The following TMTC2 variants were observed in gnomAD, a reference collection of about 807,000 sequenced individuals.
TMTC2 encodes transmembrane O-mannosyltransferase targeting cadherins 2.
A neutral mutation model predicts 82.4 loss-of-function variants in TMTC2; 43 were observed. The observed-to-expected ratio is 0.52, with a 90% CI of 0.41 to 0.67. TMTC2 has a LOEUF of 0.67. Among genes scored for constraint, TMTC2 ranks in the 30% least tolerant of loss-of-function variants. The probability of loss-of-function intolerance (pLI) is 0.00; values close to 1 mark genes in which losing one functional copy is unlikely to be tolerated. For missense variants in TMTC2, 919 were observed against 1,012.4 expected (o/e 0.91, Z 1.25); for synonymous variants, 408 against 381.9 (o/e 1.07, Z -0.80).
At position 82,917,591 on chromosome 12, in the gene TMTC2, TTTTATTTATTTA is replaced by T. The variant is rs200853483; in HGVS notation, c.1484-12823_1484-12812del. On this transcript the variant is annotated intron_variant, in intron 3 of 11. Coordinates refer to ENST00000321196, the MANE Select transcript of TMTC2 (RefSeq NM_152588.3). ...AAGTCTAGCTTAAAATTGGCTTTTA[TTTTATTTATTTA>T]TTTATTTATTTATTTAGAGACAGAG... 1.0e-3 allele frequency among the ~76,000 whole-genome samples: 155 copies of T among 151,752 alleles called. 2 individuals carry two copies. Among genetic ancestry groups the T allele is most frequent in the Admixed American group, 3.2e-3 (49 of 15,250 alleles).
intron 1 of TMTC2, among the ~76,000 whole-genome samples, chr12:82,846,636 G>T (rs1263735935): frequency 6.6e-6 from 1 of 152,080 alleles, no homozygotes; most frequent in Non-Finnish European, 1.5e-5. Context: ...ATGGAAGCGG[G>T]ATCCACTAAG....
intron 7 of TMTC2, among the ~76,000 whole-genome samples, chr12:82,975,856 T>G (rs566791462): frequency 1.3e-5 from 2 of 151,190 alleles, no homozygotes; most frequent in South Asian, 4.2e-4. Context: ...AGTACAGTAT[T>G]CATGCATTCT....
At chr12:83,067,890 A>G (rs1219578451) in intron 11 of TMTC2, among the ~76,000 whole-genome samples, 3 of 152,112 alleles carry the variant, frequency 2.0e-5, no homozygotes, top group African/African-American at 7.2e-5. Flanking sequence ...AGTATATATG[A>G]ATTAAAAGGA....
chr12:83,123,339 C>G (rs558385072), intron 11 of TMTC2, among the ~76,000 whole-genome samples: 10 of 152,298 alleles, frequency 6.6e-5, no homozygotes, highest in Admixed American at 5.2e-4. Flanking sequence ...TGTGTTGAAA[C>G]TGAGATTCAA....
intron 8 of TMTC2, among the ~76,000 whole-genome samples, chr12:83,002,878 G>T (rs1218018293): frequency 2.6e-5 from 4 of 151,894 alleles, no homozygotes; most frequent in Admixed American, 2.6e-4. Flanking sequence ...TATATATTCT[G>T]TGGTTGTTGG....
chr12:82,883,755 A>C (rs1278034747), intron 2 of TMTC2, among the ~76,000 whole-genome samples: 1 of 152,204 alleles, frequency 6.6e-6, no homozygotes, highest in Non-Finnish European at 1.5e-5. Flanking sequence ...AATTCTGTTA[A>C]TTTTGAGCTC....
chr12:82,940,849 G>A (rs1410256420), intron 4 of TMTC2, among the ~76,000 whole-genome samples: 5 of 151,862 alleles, frequency 3.3e-5, no homozygotes, highest in Non-Finnish European at 7.4e-5. Context: ...GTCTCACAAA[G>A]CCACTAATAC....
intron 9 of TMTC2, among the ~76,000 whole-genome samples, chr12:83,045,727 G>GCACACACACACACACACACGCACA (rs1882086705): frequency 7.0e-6 from 1 of 142,452 alleles, no homozygotes; most frequent in South Asian, 2.3e-4. Flanking sequence ...ACACACACAC[G>GCACACACACACACACACACGCACA]CACACACACA....
chr12:82,841,823 G>T (rs1870352521), intron 1 of TMTC2, among the ~76,000 whole-genome samples: 1 of 152,152 alleles, frequency 6.6e-6, no homozygotes, highest in African/African-American at 2.4e-5. Context: ...TCATAAAGCT[G>T]CCTTTTCCAC....
intron 1 of TMTC2, among the ~76,000 whole-genome samples, chr12:82,735,132 A>T (rs1875017841): frequency 6.6e-6 from 1 of 152,192 alleles, no homozygotes; most frequent in East Asian, 1.9e-4. Flanking sequence ...GAATTTCAGG[A>T]TGTGCCCCTC....
In TMTC2 at chr12:82,717,385, C is replaced by T. The variant is rs541574367; in HGVS notation, c.83+29716C>T. 1.4e-3 allele frequency among the ~76,000 whole-genome samples: 212 copies of T among 152,002 alleles called. 2 individuals carry two copies. The highest frequency in any genetic ancestry group is 6.8e-3 in the Middle Eastern group (2 of 292). On this transcript the variant is annotated intron_variant, in intron 1 of 11. Coordinates refer to ENST00000321196, the MANE Select transcript of TMTC2 (RefSeq NM_152588.3). ...AATTACAGGTGCTCACCACCATGCC[C>T]GGCTAAGTTTTTATTTTATTTTTTT...
chr12:82,997,786 A>C (rs1422234454), intron 8 of TMTC2, among the ~76,000 whole-genome samples: 2 of 152,058 alleles, frequency 1.3e-5, no homozygotes, highest in African/African-American at 4.8e-5. Context: ...TTGAAAAAAA[A>C]ATCCAGTAGC....
At chr12:83,082,400 A>G (rs1439497684) in intron 11 of TMTC2, among the ~76,000 whole-genome samples, 3 of 152,330 alleles carry the variant, frequency 2.0e-5, no homozygotes, top group Middle Eastern at 3.4e-3. Context: ...CATACAAAAC[A>G]TTATGATACA....
chr12:82,771,397 C>T (rs1056484035), intron 1 of TMTC2, among the ~76,000 whole-genome samples: 2 of 151,918 alleles, frequency 1.3e-5, no homozygotes, highest in Admixed American at 1.3e-4. Flanking sequence ...AAATAATCAC[C>T]TGAGATTCTG....
At chr12:82,970,094 G>C (rs971048299) in intron 7 of TMTC2, among the ~76,000 whole-genome samples, 1 of 152,086 alleles carries the variant, frequency 6.6e-6, no homozygotes, top group African/African-American at 2.4e-5. Flanking sequence ...TCACCATAAG[G>C]TAGTCCCTGA....
At chr12:83,074,884 G>A (rs1165476708) in intron 11 of TMTC2, among the ~76,000 whole-genome samples, 1 of 152,158 alleles carries the variant, frequency 6.6e-6, no homozygotes, top group Non-Finnish European at 1.5e-5. Flanking sequence ...GCTAAGTTCA[G>A]GCCGGGAGGC....
intron 8 of TMTC2, among the ~76,000 whole-genome samples, chr12:83,017,709 C>T (rs2137397534): frequency 6.6e-6 from 1 of 151,794 alleles, no homozygotes; most frequent in South Asian, 2.1e-4. Flanking sequence ...TAAGAAGTTA[C>T]TTTTTCTTTA....
chr12:82,976,675 A>G (rs1341288438), intron 7 of TMTC2, among the ~76,000 whole-genome samples: 1 of 152,086 alleles, frequency 6.6e-6, no homozygotes, highest in Non-Finnish European at 1.5e-5. Flanking sequence ...TGACAAAAAT[A>G]TTGGGATGGA....
At chr12:83,015,723 A>G (rs1447230722) in intron 8 of TMTC2, among the ~76,000 whole-genome samples, 1 of 152,236 alleles carries the variant, frequency 6.6e-6, no homozygotes, top group Non-Finnish European at 1.5e-5. Context: ...ACTGTCAGAA[A>G]GAAAGAAAGA....
Sources: gnomAD v4.1 joint callset for allele counts (sites outside exome capture counted in the v4.1 genomes callset) on GRCh38, gnomAD v4.1.1 for gene constraint, MANE v1.5 for transcripts, NCBI Gene and HGNC (gene_info 2026-07-23, HGNC 2026-07-21) for gene names.